Variants in TMEM272 observed in about 807,000 individuals in gnomAD.
TMEM272 encodes transmembrane protein 272, also known as long intergenic non-protein coding RNA 282.
In TMEM272, 8 loss-of-function variants were observed where a neutral mutation model predicts 3.7. That is an observed-to-expected ratio of 2.17 (90% confidence interval 1.27 to 3.91). TMEM272 has a LOEUF of 3.91. Ranked by LOEUF, TMEM272 falls within the 30% of genes most tolerant of loss-of-function variation. TMEM272 has a pLI of 0.00. For synonymous variants in TMEM272, 63 were observed against 39.8 expected (o/e 1.58, Z -2.20); for missense variants, 166 against 91.5 (o/e 1.81, Z -3.32).
the TMEM272 span, among the ~76,000 whole-genome samples, chr13:51,926,755 G>A: frequency 6.6e-6 from 1 of 152,136 alleles, no homozygotes; most frequent in Non-Finnish European, 1.5e-5. Context: ...TCTAAGGTGG[G>A]ACAGGGAGCA....
chr13:51,903,499 T>C, the TMEM272 span, among the ~76,000 whole-genome samples: 1 of 152,192 alleles, frequency 6.6e-6, no homozygotes, highest in African/African-American at 2.4e-5. Flanking sequence ...CTTCAGGTTC[T>C]GGCTGCTCTC....
At chr13:51,818,157 A>G (rs1191424803) in intron 4 of TMEM272, among the ~76,000 whole-genome samples, 6 of 152,210 alleles carry the variant, frequency 3.9e-5, no homozygotes, top group Non-Finnish European at 8.8e-5. Context: ...GGCATTAGAA[A>G]GAATCCTTGG....
chr13:51,839,693 C>T (rs533397585), intron 1 of TMEM272, among the ~76,000 whole-genome samples: 1 of 152,266 alleles, frequency 6.6e-6, no homozygotes, highest in East Asian at 1.9e-4. Flanking sequence ...GGTCTGAGGA[C>T]AGAGATGGTC....
intron 2 of TMEM272, among the ~76,000 whole-genome samples, chr13:51,830,198 T>C (rs1284241412): frequency 6.6e-6 from 1 of 152,262 alleles, no homozygotes; most frequent in African/African-American, 2.4e-5. Flanking sequence ...TAGTGTGCTT[T>C]TCTCCTGTTA....
chr13:51,905,157 C>G, the TMEM272 span, among the ~76,000 whole-genome samples: 1 of 152,302 alleles, frequency 6.6e-6, no homozygotes, highest in South Asian at 2.1e-4. Flanking sequence ...CAACAGAGAA[C>G]GGCCCTAAGC....
chr13:51,914,619 C>A, the TMEM272 span, among the ~76,000 whole-genome samples: 6 of 152,360 alleles, frequency 3.9e-5, no homozygotes, highest in East Asian at 1.2e-3. Context: ...CTACTCTGGG[C>A]AACTCCCACA....
At chr13:51,899,745 T>C in the TMEM272 span, among the ~76,000 whole-genome samples, 2 of 152,242 alleles carry the variant, frequency 1.3e-5, no homozygotes, top group Non-Finnish European at 2.9e-5. Flanking sequence ...CAGATCTTAA[T>C]GCAAAGCTAT....
the TMEM272 span, among the ~76,000 whole-genome samples, chr13:51,930,285 ATC>A: frequency 6.6e-6 from 1 of 152,164 alleles, no homozygotes; most frequent in Non-Finnish European, 1.5e-5. Context: ...ATGGTTTTAC[ATC>A]TCTGTTTATT....
intron 2 of TMEM272, among the ~76,000 whole-genome samples, chr13:51,831,749 G>A (rs1956175425): frequency 6.6e-6 from 1 of 152,232 alleles, no homozygotes; most frequent in Non-Finnish European, 1.5e-5. Flanking sequence ...GAGCTTCCTG[G>A]TGATGCCGCT....
chr13:51,929,834 C>T, the TMEM272 span, among the ~76,000 whole-genome samples: 2 of 152,238 alleles, frequency 1.3e-5, no homozygotes, highest in Admixed American at 6.5e-5. Context: ...GCCAGACAGG[C>T]AAGATGAGTG....
upstream of TMEM272, among the ~76,000 whole-genome samples, chr13:51,847,125 A>C (rs1235267852): frequency 6.6e-6 from 1 of 152,216 alleles, no homozygotes; most frequent in African/African-American, 2.4e-5. Flanking sequence ...TTCTACGTTT[A>C]GATACACAAA....
intron 2 of TMEM272, among the ~76,000 whole-genome samples, chr13:51,831,662 T>G (rs997548110): frequency 6.6e-6 from 1 of 152,230 alleles, no homozygotes; most frequent in African/African-American, 2.4e-5. Context: ...GGAGCCCCAC[T>G]CTCGCCTGAT....
chr13:51,844,683 A>G (rs775808534), intron 1 of TMEM272, among the ~76,000 whole-genome samples: 1 of 152,112 alleles, frequency 6.6e-6, no homozygotes, highest in African/African-American at 2.4e-5. Context: ...CACAGCCCCA[A>G]TAGGTAAGAC....
the TMEM272 span, among the ~76,000 whole-genome samples, chr13:51,879,502 C>T: frequency 2.0e-5 from 3 of 152,160 alleles, no homozygotes; most frequent in African/African-American, 7.2e-5. Flanking sequence ...AAGGGGTTTC[C>T]TGTGTCATCC....
the TMEM272 span, among the ~76,000 whole-genome samples, chr13:51,900,469 G>C: frequency 6.6e-6 from 1 of 152,174 alleles, no homozygotes; most frequent in Admixed American, 6.5e-5. Context: ...GACAATAACA[G>C]TGTTGGTGAA....
the TMEM272 span, among the ~76,000 whole-genome samples, chr13:51,907,464 C>T: frequency 6.6e-6 from 1 of 152,182 alleles, no homozygotes; most frequent in Non-Finnish European, 1.5e-5. Flanking sequence ...GACTCACACA[C>T]TCTAGGCCAC....
the TMEM272 span, among the ~76,000 whole-genome samples, chr13:51,914,902 G>A: frequency 6.6e-6 from 1 of 152,222 alleles, no homozygotes; most frequent in Admixed American, 6.5e-5. Flanking sequence ...GATTTCGGCT[G>A]TTACTTAATT....
the TMEM272 span, among the ~76,000 whole-genome samples, chr13:51,869,780 G>A: frequency 6.6e-6 from 1 of 152,120 alleles, no homozygotes; most frequent in Admixed American, 6.5e-5. Context: ...AAGCCACCGC[G>A]CCTGGCCTCA....
chr13:51,916,264 C>G, the TMEM272 span, among the ~76,000 whole-genome samples: 1 of 152,112 alleles, frequency 6.6e-6, no homozygotes, highest in South Asian at 2.1e-4. Flanking sequence ...CTGTGCATTA[C>G]AGAAGCCTTG....
Sources: gnomAD v4.1 joint callset for allele counts (sites outside exome capture counted in the v4.1 genomes callset) on GRCh38, gnomAD v4.1.1 for gene constraint, MANE v1.5 for transcripts, NCBI Gene and HGNC (gene_info 2026-07-23, HGNC 2026-07-21) for gene names.